Variants in CADPS2 observed in about 807,000 individuals in gnomAD.
CADPS2 encodes calcium-dependent secretion activator 2.
Under a neutral mutation model 172.5 loss-of-function variants are expected in CADPS2, and 93 were observed. The ratio of observed to expected loss-of-function variants is 0.54; its 90% confidence interval spans 0.46 to 0.64. The LOEUF (loss-of-function observed/expected upper bound fraction) is 0.64, where lower values mean the gene tolerates loss of function less well. Among genes scored for constraint, CADPS2 ranks in the 30% least tolerant of loss-of-function variants. CADPS2 has a pLI of 0.00. For synonymous variants in CADPS2, 546 were observed against 555.2 expected, an observed-to-expected ratio of 0.98 and a Z score of 0.23; for missense variants, 1,420 against 1,565.9, an observed-to-expected ratio of 0.91 and a Z score of 1.57.
intron 2 of CADPS2, among the ~76,000 whole-genome samples, chr7:122,709,972 GGGTGCAGCACACC>G (rs1382175171): frequency 1.5e-4 from 23 of 151,280 alleles, no homozygotes; most frequent in Non-Finnish European, 2.8e-4. Flanking sequence ...ACGAGTTAAT[GGGTGCAGCACACC>G]AGCATGGCAC....
intron 1 of CADPS2, among the ~76,000 whole-genome samples, chr7:122,834,794 G>A (rs911848241): frequency 2.6e-5 from 4 of 152,168 alleles, no homozygotes; most frequent in Non-Finnish European, 5.9e-5. Flanking sequence ...CTGGAAGCTC[G>A]AACTGGGTGG....
At chr7:122,458,730 A>G (rs1374349467) in intron 14 of CADPS2, among the ~76,000 whole-genome samples, 1 of 152,166 alleles carries the variant, frequency 6.6e-6, no homozygotes, top group African/African-American at 2.4e-5. Flanking sequence ...GCTGGTGAAT[A>G]GGCCAAGGAC....
chr7:122,675,309 T>C (rs914536866), intron 2 of CADPS2, among the ~76,000 whole-genome samples: 2 of 152,160 alleles, frequency 1.3e-5, no homozygotes, highest in African/African-American at 2.4e-5. Flanking sequence ...AAGACACACT[T>C]TGGCTCCCTG....
chr7:122,734,516 C>T (rs2092003214), intron 2 of CADPS2, among the ~76,000 whole-genome samples: 1 of 151,330 alleles, frequency 6.6e-6, no homozygotes, highest in African/African-American at 2.4e-5. Context: ...AATACTTGCA[C>T]TGTTTATTGC....
At chr7:122,435,980 A>G (rs1282053852) in intron 17 of CADPS2, among the ~76,000 whole-genome samples, 2 of 152,118 alleles carry the variant, frequency 1.3e-5, no homozygotes, top group African/African-American at 4.8e-5. Flanking sequence ...GAGAACATGA[A>G]GCGGTATTAT....
chr7:122,479,079 G>T (rs1412521321), intron 12 of CADPS2, among the ~76,000 whole-genome samples: 1 of 152,090 alleles, frequency 6.6e-6, no homozygotes, highest in Non-Finnish European at 1.5e-5. Flanking sequence ...CACTCTGGAT[G>T]AAAAAAGGAG....
At chr7:122,774,098 GAGAA>G (rs1328545527) in intron 1 of CADPS2, among the ~76,000 whole-genome samples, 1 of 151,926 alleles carries the variant, frequency 6.6e-6, no homozygotes, top group Non-Finnish European at 1.5e-5. Context: ...AAATAAAAAA[GAGAA>G]AGAATAACTT....
chr7:122,688,660 C>T (rs1374928514), intron 2 of CADPS2, among the ~76,000 whole-genome samples: 2 of 152,158 alleles, frequency 1.3e-5, no homozygotes, highest in East Asian at 1.9e-4. Context: ...TCTCTGGGCA[C>T]GAGAGTCCCT....
intron 17 of CADPS2, among the ~76,000 whole-genome samples, chr7:122,435,611 G>C (rs1190176755): frequency 1.3e-5 from 2 of 152,072 alleles, no homozygotes. Context: ...AAATAGTATG[G>C]AGGCTTCTGT....
intron 24 of CADPS2, among the ~76,000 whole-genome samples, chr7:122,384,620 C>G (rs549370300): frequency 6.6e-6 from 1 of 152,042 alleles, no homozygotes; most frequent in South Asian, 2.1e-4. Context: ...CAATGAAATT[C>G]TTGTTTACCA....
chr7:122,663,233 T>C lies in CADPS2; in HGVS notation c.786+4A>G. On this transcript the variant is annotated splice_donor_region_variant and intron_variant, in intron 3 of 29. Transcript: ENST00000449022. ...GGGAAGGGAAAATATCAGAGACCAC[T>C]TACCTGACATGCATTATAAAGGAGC... The C allele has an allele frequency of 1.9e-6, 3 of 1,597,552 alleles. No individual in the cohort carries two copies. Among genetic ancestry groups the C allele is most frequent in the South Asian group, 1.1e-5 (1 of 90,060 alleles).
chr7:122,554,789 T>C (rs970637677), intron 7 of CADPS2, 100 bp from the exon 8 acceptor site: 2 of 1,036,742 alleles, frequency 1.9e-6, no homozygotes, highest in Non-Finnish European at 2.7e-6. Flanking sequence ...AAAAATGATG[T>C]CAACACCCAA....
chr7:122,610,543 A>T (rs2074166938), intron 6 of CADPS2, among the ~76,000 whole-genome samples: 1 of 152,116 alleles, frequency 6.6e-6, no homozygotes, highest in Non-Finnish European at 1.5e-5. Flanking sequence ...GTTTCCTGGA[A>T]CTGAGAGTGG....
At chr7:122,705,361 GT>G (rs1185125862) in intron 2 of CADPS2, among the ~76,000 whole-genome samples, 3 of 147,734 alleles carry the variant, frequency 2.0e-5, no homozygotes, top group Admixed American at 1.4e-4. Flanking sequence ...ATATTGAAGA[GT>G]TTTTCATTCT....
At chr7:122,773,669 A>C (rs1217824072) in intron 1 of CADPS2, among the ~76,000 whole-genome samples, 1 of 152,100 alleles carries the variant, frequency 6.6e-6, no homozygotes, top group African/African-American at 2.4e-5. Flanking sequence ...TGTGCAGTGA[A>C]CAAGTATTGC....
chr7:122,467,185 T>G (rs890704407), intron 14 of CADPS2, among the ~76,000 whole-genome samples: 3 of 152,224 alleles, frequency 2.0e-5, no homozygotes, highest in Non-Finnish European at 4.4e-5. Context: ...AGGATAACCT[T>G]GCTTATGACC....
At chr7:122,761,168 A>G (rs927429555) in intron 1 of CADPS2, among the ~76,000 whole-genome samples, 2 of 152,170 alleles carry the variant, frequency 1.3e-5, no homozygotes, top group African/African-American at 2.4e-5. Flanking sequence ...CTTCTCTGGG[A>G]AAAAGAGGGT....
At chr7:122,789,344 T>A (rs554173956) in intron 1 of CADPS2, among the ~76,000 whole-genome samples, 4 of 152,200 alleles carry the variant, frequency 2.6e-5, no homozygotes, top group Non-Finnish European at 4.4e-5. Context: ...CAAGGAAGGA[T>A]TGGCCTTTAA....
At chr7:122,869,615 C>T (rs1024398665) in intron 1 of CADPS2, among the ~76,000 whole-genome samples, 1 of 151,770 alleles carries the variant, frequency 6.6e-6, no homozygotes, top group Non-Finnish European at 1.5e-5. Flanking sequence ...GAGAAGATCA[C>T]TAAGGAGCAA....
Sources: allele counts gnomAD v4.1 joint callset (sites outside exome capture counted in the v4.1 genomes callset), GRCh38; gene constraint gnomAD v4.1.1; transcripts MANE v1.5; gene names NCBI Gene and HGNC (gene_info 2026-07-23, HGNC 2026-07-21).